The following TMEM107 variants were observed in gnomAD, a reference collection of about 807,000 sequenced individuals.
TMEM107 encodes transmembrane protein 107.
A neutral mutation model predicts 16.8 loss-of-function variants in TMEM107; 18 were observed. That is an observed-to-expected ratio of 1.07 (90% CI 0.74 to 1.59). TMEM107 has a LOEUF of 1.59. Among genes scored for constraint, TMEM107 ranks in the 40% most tolerant of loss-of-function variants. TMEM107 has a pLI of 0.00. For synonymous variants in TMEM107, 68 were observed against 71.6 expected (o/e 0.95, Z 0.25); for missense variants, 152 against 175.4 (o/e 0.87, Z 0.75).
In TMEM107 at chr17:8,173,543, C is replaced by G. The variant is rs140061096; in HGVS notation, c.*660G>C. 12 of 765,286 alleles carry G rather than the reference C, an allele frequency of 1.6e-5. No individual in the cohort carries two copies. Among genetic ancestry groups the G allele is most frequent in the Admixed American group, 6.8e-5 (4 of 59,006 alleles). The allele number at this position is 765,286 out of a possible 1,614,324, so 47.4% of individuals were successfully genotyped here. ...GCATCTCCAATCATCATGTTCTAAT[C>G]TGCCCTCCGGAGGAGGAACAGGTAA... is the stretch of plus-strand genomic sequence containing the variant. On this transcript the variant is annotated 3_prime_UTR_variant, in exon 5 of 5. Coordinates refer to ENST00000437139, the MANE Select transcript of TMEM107 (RefSeq NM_183065.4).
intron 3 of TMEM107, 72 bp from the exon 4 acceptor site, chr17:8,174,688 G>A (rs1983986615): frequency 7.5e-7 from 1 of 1,342,258 alleles, no homozygotes; most frequent in African/African-American, 1.4e-5. Context: ...GGCCAGTGGT[G>A]GGGCTGGCAT....
rs1346033777 is a variant in TMEM107 at position 8,175,862 on chromosome 17, A to C, written c.156-5T>G. The C allele has an allele frequency of 2.5e-6, 4 of 1,614,202 alleles. No homozygotes were observed. The highest frequency in any genetic ancestry group is 1.7e-6 in the Non-Finnish European group (2 of 1,180,018). ...ACAGAGAGCGCGGCCACCAGCCTGC[A>C]GAGAGGAAGTGGACTGGCCCAGGCC... On this transcript the variant is annotated splice_region_variant and splice_polypyrimidine_tract_variant and intron_variant, in intron 2 of 4. Transcript: ENST00000437139.
chr17:8,173,337 C>G lies in TMEM107; in HGVS notation c.*866G>C. 3 of 576,464 alleles carry G rather than the reference C, an allele frequency of 5.2e-6. No individual in the cohort carries two copies. Among genetic ancestry groups the G allele is most frequent in the South Asian group, 4.7e-5 (2 of 42,368 alleles). The allele number at this position is 576,464 out of a possible 1,614,324, so 35.7% of individuals were successfully genotyped here. ...GCAAGACTGCAAAATAGACAAACAG[C>G]AATAGCAAGACTGCAAAATAGACAA... is the stretch of plus-strand genomic sequence containing the variant. On this transcript the variant is annotated 3_prime_UTR_variant, in exon 5 of 5. Coordinates refer to ENST00000437139, the MANE Select transcript of TMEM107 (RefSeq NM_183065.4).
chr17:8,174,047 T>C lies in TMEM107; in HGVS notation c.*156A>G. On this transcript the variant is annotated 3_prime_UTR_variant, in exon 5 of 5. Transcript: ENST00000437139. Reference sequence around the variant, plus strand: ...TACAAAGCACTAAATACAATGCGGATAATCCCAGACTCAAGACGTAATTAT... The same window carrying C: ...TACAAAGCACTAAATACAATGCGGACAATCCCAGACTCAAGACGTAATTAT... The C allele has an allele frequency of 1.5e-6, 1 of 655,424 alleles. No individual in the cohort carries two copies. The highest frequency in any genetic ancestry group is 2.6e-5 in the East Asian group (1 of 37,918). 40.6% of individuals were successfully genotyped at this position (655,424 alleles called of 1,614,324 possible). A position where few individuals can be genotyped will look rare whatever the true frequency, so the allele number is the denominator to read the frequency against.
Position 8,174,546 on chromosome 17 carries a change from C to T in TMEM107, c.327G>A (p.Thr109=), listed in dbSNP as rs774473010. 2 of 1,614,138 alleles carry T rather than the reference C, an allele frequency of 1.2e-6. No individual in the cohort carries two copies. The highest frequency in any genetic ancestry group is 2.2e-5 in the South Asian group (2 of 91,086). The part of the protein sequence containing the change: ...FFIFERWECT[T]YWYIFVFCSA... Reference sequence around the variant, plus strand: ...TGCAGAAGACAAAAATGTACCAATACGTAGTGCACTCCCAACGCTCGAATA... The same window carrying T: ...TGCAGAAGACAAAAATGTACCAATATGTAGTGCACTCCCAACGCTCGAATA... The change falls in exon 4 of 5, where the codon ACG becomes ACA. Residue 109 remains threonine (T), a synonymous_variant. Transcript: ENST00000437139.
At position 8,173,485 on chromosome 17, in the gene TMEM107, C is replaced by T. The variant is rs201686383; in HGVS notation, c.*718G>A. The T allele has an allele frequency of 4.5e-4, 341 of 764,944 alleles. No individual in the cohort carries two copies. Among genetic ancestry groups the T allele is most frequent in the Non-Finnish European group, 6.3e-4 (265 of 417,966 alleles). The allele number at this position is 764,944 out of a possible 1,614,324, so 47.4% of individuals were successfully genotyped here. The stretch of plus-strand genomic sequence containing the variant: ...CAGGAGCAATCAGGGTGTTGCAAGT[C>T]CTGATTACGCAGAGACGTTAATCAC... On this transcript the variant is annotated 3_prime_UTR_variant, in exon 5 of 5. Coordinates refer to ENST00000437139, the MANE Select transcript of TMEM107 (RefSeq NM_183065.4).
Position 8,174,511 on chromosome 17 carries a change from C to T in TMEM107, c.353+9G>A, listed in dbSNP as rs368060116. On this transcript the variant is annotated intron_variant, in intron 4 of 4. Transcript: ENST00000437139. ...CTCCCTCATCCCCAAATATTGGATGCTACCACACCTGCAGAAGACAAAAAT... is the reference window on the plus strand; with the variant it reads ...CTCCCTCATCCCCAAATATTGGATGTTACCACACCTGCAGAAGACAAAAAT... 3 of 1,613,326 alleles carry T rather than the reference C, an allele frequency of 1.9e-6. No homozygotes were observed. Among genetic ancestry groups the T allele is most frequent in the African/African-American group, 2.7e-5 (2 of 74,890 alleles).
In TMEM107 at chr17:8,173,485, C is replaced by A. The variant is rs201686383; in HGVS notation, c.*718G>T. The A allele has an allele frequency of 2.6e-6, 2 of 764,944 alleles. No individual in the cohort carries two copies. The highest frequency in any genetic ancestry group is 2.4e-6 in the Non-Finnish European group (1 of 417,966). The allele number at this position is 764,944 out of a possible 1,614,324, so 47.4% of individuals were successfully genotyped here. On this transcript the variant is annotated 3_prime_UTR_variant, in exon 5 of 5. Coordinates refer to ENST00000437139, the MANE Select transcript of TMEM107 (RefSeq NM_183065.4). ...CAGGAGCAATCAGGGTGTTGCAAGTCCTGATTACGCAGAGACGTTAATCAC... is the reference window on the plus strand; with the variant it reads ...CAGGAGCAATCAGGGTGTTGCAAGTACTGATTACGCAGAGACGTTAATCAC...
rs761719332 is a variant in TMEM107, at chr17:8,173,497, G to GA, written c.*705dup. The GA allele has an allele frequency of 5.4e-4, 413 of 765,266 alleles. 6 individuals are homozygous for GA. In the East Asian group the frequency reaches 9.4e-3, roughly 17 times the overall value. 47.4% of individuals were successfully genotyped at this position (765,266 alleles called of 1,614,324 possible). A position where few individuals can be genotyped will look rare whatever the true frequency, so the allele number is the denominator to read the frequency against. On this transcript the variant is annotated 3_prime_UTR_variant, in exon 5 of 5. Transcript: ENST00000437139. ...GGGTGTTGCAAGTCCTGATTACGCA[G>GA]AGACGTTAATCACGTTTCATGCATC...
chr17:8,174,125 A>G lies in TMEM107; in HGVS notation c.*78T>C. Reference sequence around the variant, plus strand: ...GTTTCCGAGGGGAAAACCGAAGCCTATGCCTTCCTTCTTCCAGGAATACGA... The same window carrying G: ...GTTTCCGAGGGGAAAACCGAAGCCTGTGCCTTCCTTCTTCCAGGAATACGA... On this transcript the variant is annotated 3_prime_UTR_variant, in exon 5 of 5. Coordinates refer to ENST00000437139, the MANE Select transcript of TMEM107 (RefSeq NM_183065.4). 7.6e-7 allele frequency: 1 copy of G among 1,317,812 alleles called. No individual in the cohort carries two copies. Among genetic ancestry groups the G allele is most frequent in the Non-Finnish European group, 1.1e-6 (1 of 911,300 alleles). The allele number at this position is 1,317,812 out of a possible 1,614,324, so 81.6% of individuals were successfully genotyped here. A position where few individuals can be genotyped will look rare whatever the true frequency, so the allele number is the denominator to read the frequency against.
In TMEM107 at chr17:8,173,415, T is replaced by C. The variant is rs752066879; in HGVS notation, c.*788A>G. On this transcript the variant is annotated 3_prime_UTR_variant, in exon 5 of 5. Coordinates refer to ENST00000437139, the MANE Select transcript of TMEM107 (RefSeq NM_183065.4). ...CATAGCTATGTTTGTGGATATCTGCTAATCAGCATAACACAAATGTAAGTG... is the reference window on the plus strand; with the variant it reads ...CATAGCTATGTTTGTGGATATCTGCCAATCAGCATAACACAAATGTAAGTG... The C allele has an allele frequency of 1.5e-5, 11 of 745,674 alleles. No homozygotes were observed. Among genetic ancestry groups the C allele is most frequent in the Non-Finnish European group, 2.2e-5 (9 of 405,964 alleles). The allele number at this position is 745,674 out of a possible 1,614,324, so 46.2% of individuals were successfully genotyped here.
In TMEM107 at chr17:8,174,564, C is replaced by G. The variant is rs2151449324; in HGVS notation, c.309G>C (p.Glu103Asp). The change falls in exon 4 of 5, where the codon GAG becomes GAC. Residue 103 changes from glutamate (E) to aspartate (D), a missense_variant. Transcript: ENST00000437139. ...ASVALSFFIF[E>D]RWECTTYWYI... ...ACCAATACGTAGTGCACTCCCAACG[C>G]TCGAATATGAAGAAGGACAGGGCCA... 2 of 1,614,152 alleles carry G rather than the reference C, an allele frequency of 1.2e-6. No homozygotes were observed. Among genetic ancestry groups the G allele is most frequent in the Non-Finnish European group, 1.7e-6 (2 of 1,180,034 alleles).
chr17:8,176,251 G>A lies in TMEM107; in HGVS notation c.36C>T (p.Phe12=), dbSNP rs756257026. The part of the protein sequence containing the change: ...GRVSGLVPSR[F]LTLLAHLVVV... ...CCACCAGATGCGCCAGGAGCGTCAG[G>A]AAGCGAGAGGGCACAAGCCCTGAGA... The change falls in exon 1 of 5, where the codon TTC becomes TTT. Residue 12 remains phenylalanine, a synonymous_variant. Coordinates refer to ENST00000437139, the MANE Select transcript of TMEM107 (RefSeq NM_183065.4). The A allele has an allele frequency of 1.2e-6, 2 of 1,614,042 alleles. No homozygotes were observed. Among genetic ancestry groups the A allele is most frequent in the Non-Finnish European group, 1.7e-6 (2 of 1,180,000 alleles).
In TMEM107 at chr17:8,173,446, CAGAA is replaced by C. The variant is rs1567549795; in HGVS notation, c.*753_*756del. ...GCATAACACAAATGTAAGTGATCGT[CAGAA>C]AGAATCAGACAGGAGCAATCAGGGT... On this transcript the variant is annotated 3_prime_UTR_variant, in exon 5 of 5. Transcript: ENST00000437139. 7 of 761,888 alleles carry C rather than the reference CAGAA, an allele frequency of 9.2e-6. No homozygotes were observed. The highest frequency in any genetic ancestry group is 2.9e-4 in the Middle Eastern group (1 of 3,406). 47.2% of individuals were successfully genotyped at this position (761,888 alleles called of 1,614,324 possible).
chr17:8,173,232 G>T lies in TMEM107; in HGVS notation c.*971C>A. 2.1e-6 allele frequency: 1 copy of T among 465,780 alleles called. No individual in the cohort carries two copies. Among genetic ancestry groups the T allele is most frequent in the Non-Finnish European group, 3.9e-6 (1 of 258,590 alleles). The allele number at this position is 465,780 out of a possible 1,614,324, so 28.9% of individuals were successfully genotyped here. ...GTTATCAAACGACAAAAAACAAAGA[G>T]CCCATTTGTATTATTTCACTGCCTA... On this transcript the variant is annotated 3_prime_UTR_variant, in exon 5 of 5. Transcript: ENST00000437139.
chr17:8,175,646 G>T (rs770946284), intron 3 of TMEM107, 111 bp downstream of exon 3: 1 of 948,868 alleles, frequency 1.1e-6, no homozygotes, highest in Non-Finnish European at 1.7e-6. Flanking sequence ...CATCGTTGAA[G>T]ATCTTTGAAC....
Position 8,173,484 on chromosome 17 carries a change from T to TGATTACGCAGAGGGTGTTGCAAGA in TMEM107, c.*718_*719insTCTTGCAACACCCTCTGCGTAATC. The stretch of plus-strand genomic sequence containing the variant: ...ACAGGAGCAATCAGGGTGTTGCAAG[T>TGATTACGCAGAGGGTGTTGCAAGA]CCTGATTACGCAGAGACGTTAATCA... On this transcript the variant is annotated 3_prime_UTR_variant, in exon 5 of 5. Transcript: ENST00000437139. The TGATTACGCAGAGGGTGTTGCAAGA allele has an allele frequency of 1.3e-6, 1 of 764,216 alleles. No homozygotes were observed. Among genetic ancestry groups the TGATTACGCAGAGGGTGTTGCAAGA allele is most frequent in the Non-Finnish European group, 2.4e-6 (1 of 417,710 alleles). The allele number at this position is 764,216 out of a possible 1,614,324, so 47.3% of individuals were successfully genotyped here.
At position 8,173,722 on chromosome 17, in the gene TMEM107, A is replaced by AT; in HGVS notation, c.*480dup. 3.7e-6 allele frequency: 2 copies of AT among 545,188 alleles called. No individual in the cohort carries two copies. The highest frequency in any genetic ancestry group is 5.9e-5 in the East Asian group (2 of 34,186). The allele number at this position is 545,188 out of a possible 1,614,324, so 33.8% of individuals were successfully genotyped here. ...GTTGTTTTGCCATATTAGCTCGCACATTTTTTTAAATTTTTTTTTCATTCG... is the reference window on the plus strand; with the variant it reads ...GTTGTTTTGCCATATTAGCTCGCACATTTTTTTTAAATTTTTTTTTCATTCG... On this transcript the variant is annotated 3_prime_UTR_variant, in exon 5 of 5. Coordinates refer to ENST00000437139, the MANE Select transcript of TMEM107 (RefSeq NM_183065.4).
Position 8,173,341 on chromosome 17 carries a change from A to C in TMEM107, c.*862T>G. ...GACTGCAAAATAGACAAACAGCAATAGCAAGACTGCAAAATAGACAAACAG... is the reference window on the plus strand; with the variant it reads ...GACTGCAAAATAGACAAACAGCAATCGCAAGACTGCAAAATAGACAAACAG... On this transcript the variant is annotated 3_prime_UTR_variant, in exon 5 of 5. Transcript: ENST00000437139. 1.7e-6 allele frequency: 1 copy of C among 598,896 alleles called. No individual in the cohort carries two copies. The highest frequency in any genetic ancestry group is 3.0e-6 in the Non-Finnish European group (1 of 329,736). The allele number at this position is 598,896 out of a possible 1,614,324, so 37.1% of individuals were successfully genotyped here.
Sources: gnomAD v4.1 joint callset for allele counts on GRCh38, gnomAD v4.1.1 for gene constraint, MANE v1.5 for transcripts, NCBI Gene and HGNC (gene_info 2026-07-23, HGNC 2026-07-21) for gene names.